The following PDZD2 variants were observed in gnomAD, a reference collection of about 807,000 sequenced individuals.
PDZD2 encodes PDZ domain containing 2.
PDZD2 carries 90 observed loss-of-function variants against 220.7 expected under a neutral mutation model. The observed-to-expected ratio is 0.41, with a 90% CI of 0.34 to 0.49. PDZD2 has a LOEUF of 0.49. PDZD2 is among the 20% of genes least tolerant of loss of function. The pLI is 0.28. For synonymous variants in PDZD2, 1,375 were observed against 1,450.5 expected (o/e 0.95, Z 1.18); for missense variants, 3,174 against 3,608.5 (o/e 0.88, Z 3.08).
At chr5:31,917,381 G>A (rs1349610807) in intron 2 of PDZD2, among the ~76,000 whole-genome samples, 1 of 152,068 alleles carries the variant, frequency 6.6e-6, no homozygotes, top group Non-Finnish European at 1.5e-5. Flanking sequence ...AAAAAATACA[G>A]AACTTACCCT....
chr5:31,878,565 T>TTTTTTTTTTTTTTG (rs1739543207), intron 2 of PDZD2, among the ~76,000 whole-genome samples: 1 of 109,142 alleles, frequency 9.2e-6, no homozygotes, highest in Non-Finnish European at 1.9e-5. Context: ...CTTTTTTTTT[T>TTTTTTTTTTTTTTG]TTTTTTTTTT....
At position 32,077,226 on chromosome 5, in the gene PDZD2, A is replaced by G. The variant is rs557282864; in HGVS notation, c.3538-236A>G. On this transcript the variant is annotated intron_variant, in intron 18 of 24. Transcript: ENST00000438447. Reference sequence around the variant, plus strand: ...CGTCTTCTTTTAAGCTCTATGAGTAAGACTGGGAATGTTTTATGCCCATTT... The same window carrying G: ...CGTCTTCTTTTAAGCTCTATGAGTAGGACTGGGAATGTTTTATGCCCATTT... Among the ~76,000 whole-genome samples the G allele has an allele frequency of 3.9e-5, 6 of 151,974 alleles. No homozygotes were observed. In the East Asian group the frequency reaches 9.7e-4, roughly 25 times the overall value.
chr5:31,969,508 C>CAAAAAA (rs1749073053), intron 2 of PDZD2, among the ~76,000 whole-genome samples: 1 of 9,280 alleles, frequency 1.1e-4, no homozygotes, highest in East Asian at 2.7e-3. Context: ...GGCCCCCTCT[C>CAAAAAA]CAAAAAAAAA....
At chr5:31,797,604 A>G (rs1216926592) in intron 1 of PDZD2, among the ~76,000 whole-genome samples, 1 of 152,130 alleles carries the variant, frequency 6.6e-6, no homozygotes, top group Non-Finnish European at 1.5e-5. Flanking sequence ...AAGTGCTGGG[A>G]TTACAGGTGT....
chr5:32,087,375 G>T lies in PDZD2; in HGVS notation c.3927G>T (p.Ser1309=), dbSNP rs377229414. The part of the protein sequence containing the change: ...PPDYSKTRSA[S]ETSTPHNTRR... Reference sequence around the variant, plus strand: ...ACTACAGCAAGACTCGATCAGCATCGGAAACCAGCACACCCCACAATACCA... The same window carrying T: ...ACTACAGCAAGACTCGATCAGCATCTGAAACCAGCACACCCCACAATACCA... Residue 1309 remains serine (S), a synonymous_variant, in exon 20 of 25, where the codon TCG becomes TCT. Coordinates refer to ENST00000438447, the MANE Select transcript of PDZD2 (RefSeq NM_178140.4). This position sits in a 1 kb window ranked among gnomAD's most constrained non-coding sequence, Gnocchi z 4.0. The T allele has an allele frequency of 6.2e-7, 1 of 1,614,046 alleles. No homozygotes were observed. The highest frequency in any genetic ancestry group is 1.1e-5 in the South Asian group (1 of 91,068).
chr5:31,648,367 CCTT>C (rs1373276140), intron 1 of PDZD2, among the ~76,000 whole-genome samples: 1 of 152,158 alleles, frequency 6.6e-6, no homozygotes, highest in Non-Finnish European at 1.5e-5. Flanking sequence ...CTAGTTCTTT[CCTT>C]CTCCTCCTCC....
chr5:32,075,192 T>TAC, intron 18 of PDZD2, among the ~76,000 whole-genome samples: 1 of 152,268 alleles, frequency 6.6e-6, no homozygotes, highest in South Asian at 2.1e-4. Flanking sequence ...GTCTTACCTG[T>TAC]ACACAGCACC....
intron 2 of PDZD2, among the ~76,000 whole-genome samples, chr5:31,874,025 G>C (rs1739080678): frequency 6.6e-6 from 1 of 152,158 alleles, no homozygotes. Flanking sequence ...ACTGTGCCTG[G>C]GTGCAGTCTT....
Position 32,010,414 on chromosome 5 carries a change from A to T in PDZD2, c.1339A>T (p.Thr447Ser). 1 of 1,609,786 alleles carries T rather than the reference A, an allele frequency of 6.2e-7. No homozygotes were observed. The highest frequency in any genetic ancestry group is 1.7e-5 in the Admixed American group (1 of 60,010). The change falls in exon 6 of 25, where the codon ACT (threonine) becomes TCT (serine). Residue 447 changes from threonine to serine, a missense_variant. Transcript: ENST00000438447. ...TSSVEDVSSW[T>S]DNEDQEADGE... ...CTCGGTAGAAGATGTGTCCTCCTGGACTGATAACGAAGACCAGGAGGCAGA... is the reference window on the plus strand; with the variant it reads ...CTCGGTAGAAGATGTGTCCTCCTGGTCTGATAACGAAGACCAGGAGGCAGA...
chr5:32,031,420 C>G (rs544407961), intron 6 of PDZD2, among the ~76,000 whole-genome samples: 4 of 152,166 alleles, frequency 2.6e-5, no homozygotes, highest in Non-Finnish European at 5.9e-5. Flanking sequence ...CCTCCTTGTT[C>G]TTGTGCGCAA....
intron 5 of PDZD2, among the ~76,000 whole-genome samples, chr5:32,001,758 G>A (rs960338312): frequency 1.3e-5 from 2 of 152,208 alleles, no homozygotes; most frequent in Non-Finnish European, 1.5e-5. Context: ...GCTGTGAGCC[G>A]ATGTGCTGTT....
At chr5:32,073,780 G>A in intron 17 of PDZD2, 52 bp from the exon 18 acceptor site, 1 of 1,203,676 alleles carries the variant, frequency 8.3e-7, no homozygotes, top group South Asian at 1.4e-5. Context: ...ATAAGACAGG[G>A]CCAAGTGGGA....
At chr5:31,850,226 G>GCATA (rs1554082930) in intron 2 of PDZD2, among the ~76,000 whole-genome samples, 1 of 101,210 alleles carries the variant, frequency 9.9e-6, no homozygotes. Flanking sequence ...ATATATATAA[G>GCATA]TATATATATA....
intron 2 of PDZD2, among the ~76,000 whole-genome samples, chr5:31,801,172 G>C (rs1239804434): frequency 2.6e-5 from 4 of 152,198 alleles, no homozygotes; most frequent in Non-Finnish European, 5.9e-5. Flanking sequence ...GTAGCACAGA[G>C]CTGGCTCACA....
intron 1 of PDZD2, among the ~76,000 whole-genome samples, chr5:31,745,739 C>T (rs548654423): frequency 1.3e-4 from 20 of 151,802 alleles, no homozygotes; most frequent in African/African-American, 3.9e-4. Context: ...GTCACTGCGT[C>T]CTATCTTAGT....
intron 1 of PDZD2, among the ~76,000 whole-genome samples, chr5:31,757,524 G>A (rs979021750): frequency 7.2e-5 from 11 of 151,946 alleles, no homozygotes; most frequent in Non-Finnish European, 1.6e-4. Context: ...CCTGAGAGGC[G>A]GAGCTTGCAG....
At chr5:31,855,168 G>A (rs1366351684) in intron 2 of PDZD2, 5 of 961,364 alleles carry the variant, frequency 5.2e-6, no homozygotes, top group Non-Finnish European at 6.2e-6. Flanking sequence ...CAGAACTGGA[G>A]GTAGGAAATC....
intron 2 of PDZD2, among the ~76,000 whole-genome samples, chr5:31,902,563 A>C (rs1581034949): frequency 7.0e-6 from 1 of 143,836 alleles, no homozygotes; most frequent in Non-Finnish European, 1.5e-5. Context: ...GCTCACTGCA[A>C]CCTCCTCCTC....
At chr5:31,796,616 A>G (rs1415399394) in intron 1 of PDZD2, among the ~76,000 whole-genome samples, 1 of 152,134 alleles carries the variant, frequency 6.6e-6, no homozygotes, top group Non-Finnish European at 1.5e-5. Context: ...CATCCCCACG[A>G]AACGGAAGGG....
Sources: allele counts gnomAD v4.1 joint callset (sites outside exome capture counted in the v4.1 genomes callset), GRCh38; gene constraint gnomAD v4.1.1; non-coding constraint Gnocchi (gnomAD v3.1); transcripts MANE v1.5; gene names NCBI Gene and HGNC (gene_info 2026-07-23, HGNC 2026-07-21).